Variants in VTI1A observed in about 807,000 individuals in gnomAD.
The protein encoded by VTI1A is vesicle transport through interaction with t-SNAREs homolog 1A.
Under a neutral mutation model 34.9 loss-of-function variants are expected in VTI1A, and 22 were observed. The ratio of observed to expected loss-of-function variants is 0.63; its 90% CI spans 0.45 to 0.90. The LOEUF is 0.90. VTI1A is among the 40% of genes least tolerant of loss of function. The pLI, the probability that VTI1A is intolerant of heterozygous loss-of-function variation, is 0.00. For missense variants in VTI1A, 268 were observed against 275.6 expected, an observed-to-expected ratio of 0.97 and a Z score of 0.20; for synonymous variants, 87 against 97.3, an observed-to-expected ratio of 0.89 and a Z score of 0.62.
intron 3 of VTI1A, among the ~76,000 whole-genome samples, chr10:112,509,759 A>G (rs1055424469): frequency 3.3e-5 from 5 of 152,238 alleles, no homozygotes; most frequent in Non-Finnish European, 7.3e-5. Flanking sequence ...TATGGTCAGC[A>G]GCTGTTTATT....
intron 1 of VTI1A, among the ~76,000 whole-genome samples, chr10:112,454,785 C>T (rs1342488723): frequency 2.0e-5 from 3 of 150,978 alleles, no homozygotes; most frequent in African/African-American, 7.3e-5. Flanking sequence ...ATAGCAGTTA[C>T]GAGCTCAGTT....
intron 7 of VTI1A, among the ~76,000 whole-genome samples, chr10:112,683,991 T>C (rs1848310615): frequency 1.3e-5 from 2 of 150,588 alleles, no homozygotes; most frequent in South Asian, 4.2e-4. Flanking sequence ...TGCAGTGAGC[T>C]GAGATCGTGC....
intron 7 of VTI1A, among the ~76,000 whole-genome samples, chr10:112,718,980 C>T (rs1458289284): frequency 6.6e-6 from 1 of 152,202 alleles, no homozygotes; most frequent in Non-Finnish European, 1.5e-5. Flanking sequence ...CTTTCATTCA[C>T]AGAGCAAACT....
At chr10:112,781,212 T>A (rs910035919) in intron 7 of VTI1A, among the ~76,000 whole-genome samples, 2 of 152,080 alleles carry the variant, frequency 1.3e-5, no homozygotes, top group Non-Finnish European at 2.9e-5. Context: ...CCCAGAGTGC[T>A]GGGATTACAG....
At chr10:112,675,972 G>A (rs1848011901) in intron 7 of VTI1A, among the ~76,000 whole-genome samples, 1 of 152,142 alleles carries the variant, frequency 6.6e-6, no homozygotes. Flanking sequence ...GTAGATACAT[G>A]TAAAGTGCAC....
intron 3 of VTI1A, among the ~76,000 whole-genome samples, chr10:112,480,213 A>G (rs1350789279): frequency 2.0e-5 from 3 of 152,242 alleles, no homozygotes; most frequent in Non-Finnish European, 4.4e-5. Flanking sequence ...AACAAATAAT[A>G]TTAAACAAAT....
intron 7 of VTI1A, among the ~76,000 whole-genome samples, chr10:112,674,837 G>A (rs946941912): frequency 2.0e-5 from 3 of 152,152 alleles, no homozygotes; most frequent in African/African-American, 7.2e-5. Context: ...ACTACACAAG[G>A]TTCCCAAAGG....
chr10:112,460,611 A>T (rs1847699415), intron 2 of VTI1A, 29 bp downstream of exon 2: 2 of 1,550,826 alleles, frequency 1.3e-6, no homozygotes, highest in African/African-American at 1.4e-5. Context: ...GTATTTTAAC[A>T]CACAGCCAGA....
At position 112,489,020 on chromosome 10, in the gene VTI1A, C is replaced by G. The variant is rs77823681; in HGVS notation, c.264+24363C>G. Among the ~76,000 whole-genome samples the G allele has an allele frequency of 5.0e-3, 764 of 152,204 alleles. 6 individuals carry two copies. Among genetic ancestry groups the G allele is most frequent in the African/African-American group, 0.018 (746 of 41,508 alleles). ...GTACAATGAAGTGCTTAGACTAGAC[C>G]AGTAGTTCTTAAACTCAAGCAACAT... On this transcript the variant is annotated intron_variant, in intron 3 of 7. Coordinates refer to ENST00000393077, the MANE Select transcript of VTI1A (RefSeq NM_145206.4).
chr10:112,673,828 C>T (rs535277992), intron 7 of VTI1A, among the ~76,000 whole-genome samples: 1 of 152,194 alleles, frequency 6.6e-6, no homozygotes, highest in African/African-American at 2.4e-5. Context: ...AGTAAATAGA[C>T]CAGGAATGCC....
At chr10:112,824,269 A>G in the VTI1A span, 20 of 152,342 alleles carry the variant, frequency 1.3e-4, no homozygotes, top group African/African-American at 4.8e-4. Flanking sequence ...TATTAAACCA[A>G]CATGTACAGA....
At chr10:112,632,933 T>G (rs144681293) in intron 5 of VTI1A, among the ~76,000 whole-genome samples, 2,256 of 152,346 alleles carry the variant, frequency 0.015, 27 homozygotes, top group Non-Finnish European at 0.024. Flanking sequence ...AAATACTTCT[T>G]ATTTTGTTGT....
chr10:112,511,360 C>T (rs925888280), intron 3 of VTI1A, among the ~76,000 whole-genome samples: 3 of 151,948 alleles, frequency 2.0e-5, no homozygotes, highest in Admixed American at 2.0e-4. Flanking sequence ...TCCCCTGCCT[C>T]AGCCTCCCAA....
intron 3 of VTI1A, among the ~76,000 whole-genome samples, chr10:112,467,810 G>A (rs1011613862): frequency 8.5e-5 from 13 of 152,216 alleles, no homozygotes; most frequent in Non-Finnish European, 1.8e-4. Context: ...AAGAGGCTTA[G>A]ATTAATTATA....
intron 7 of VTI1A, among the ~76,000 whole-genome samples, chr10:112,764,939 C>T (rs116805243): frequency 0.011 from 1,736 of 152,292 alleles, 31 homozygotes; most frequent in East Asian, 0.054. Context: ...CTAAGGGTGG[C>T]ATTGCTGGGT....
chr10:112,634,516 C>T (rs1156972383), intron 5 of VTI1A, among the ~76,000 whole-genome samples: 9 of 6,534 alleles, frequency 1.4e-3, no homozygotes, highest in African/African-American at 3.0e-3. Flanking sequence ...CACACACATA[C>T]ACACACACAC....
At chr10:112,698,543 A>G (rs144754889) in intron 7 of VTI1A, among the ~76,000 whole-genome samples, 1 of 152,346 alleles carries the variant, frequency 6.6e-6, no homozygotes, top group African/African-American at 2.4e-5. Flanking sequence ...ACACAGAGCT[A>G]TTGCTTAGCA....
intron 7 of VTI1A, among the ~76,000 whole-genome samples, chr10:112,721,570 T>C (rs567489966): frequency 6.6e-6 from 1 of 152,338 alleles, no homozygotes; most frequent in Admixed American, 6.5e-5. Flanking sequence ...CCTGAAGGGC[T>C]TTAGTTACTA....
intron 5 of VTI1A, among the ~76,000 whole-genome samples, chr10:112,606,325 A>G (rs1272690918): frequency 6.6e-6 from 1 of 152,072 alleles, no homozygotes; most frequent in Non-Finnish European, 1.5e-5. Context: ...GCGCCCGGCC[A>G]TTGCGTGCTA....
Sources: gnomAD v4.1 joint callset for allele counts (sites outside exome capture counted in the v4.1 genomes callset) on GRCh38, gnomAD v4.1.1 for gene constraint, MANE v1.5 for transcripts, NCBI Gene and HGNC (gene_info 2026-07-23, HGNC 2026-07-21) for gene names.